Variants in EYS observed in about 807,000 individuals in gnomAD.
EYS encodes protein eyes shut homolog.
EYS carries 250 observed loss-of-function variants against 282.1 expected under a neutral mutation model. That is an observed-to-expected ratio of 0.89 (90% CI 0.80 to 0.98). EYS has a LOEUF of 0.98. Ranked by LOEUF, EYS falls within the 50% of genes least tolerant of loss-of-function variation. EYS has a pLI of 0.00. For missense variants in EYS, 4,016 were observed against 3,709.0 expected, an observed-to-expected ratio of 1.08 and a Z score of -2.15; for synonymous variants, 1,355 against 1,282.9, an observed-to-expected ratio of 1.06 and a Z score of -1.20.
intron 26 of EYS, among the ~76,000 whole-genome samples, chr6:64,544,615 G>C (rs865904500): frequency 1.3e-5 from 2 of 152,096 alleles, no homozygotes; most frequent in East Asian, 3.9e-4. Flanking sequence ...AAAATTGATA[G>C]ACCACTAGGA....
intron 29 of EYS, among the ~76,000 whole-genome samples, chr6:64,319,948 C>A (rs760708424): frequency 1.2e-4 from 18 of 152,076 alleles, no homozygotes; most frequent in Non-Finnish European, 2.4e-4. Flanking sequence ...TTCCTGACAC[C>A]TGAAGAGCTT....
rs148635035 is a variant in EYS, at chr6:64,821,871, T to C, written c.3165-148A>G. 18 of 480,608 alleles carry C rather than the reference T, an allele frequency of 3.7e-5. No homozygotes were observed. In the East Asian group the frequency reaches 6.1e-4, roughly 16 times the overall value. The allele number at this position is 480,608 out of a possible 1,614,324, so 29.8% of individuals were successfully genotyped here. ...TACAAAGCAGAGTTTATTCCTGGGT[T>C]TCTTATCCTTGAAGGTGACTGGACT... On this transcript the variant is annotated intron_variant, in intron 20 of 42. Transcript: ENST00000503581.
chr6:65,201,194 C>T (rs965692670), intron 12 of EYS, among the ~76,000 whole-genome samples: 5 of 152,004 alleles, frequency 3.3e-5, no homozygotes, highest in Admixed American at 6.6e-5. Context: ...AGATTAGAGG[C>T]TTTCTGTGGT....
At chr6:63,828,388 C>G (rs1243768108) in intron 36 of EYS, among the ~76,000 whole-genome samples, 1 of 126,944 alleles carries the variant, frequency 7.9e-6, no homozygotes, top group African/African-American at 3.4e-5. Flanking sequence ...ATGACTGACA[C>G]CACTGAAATA....
At chr6:65,091,499 AAAAAG>A in intron 12 of EYS, among the ~76,000 whole-genome samples, 1 of 140,052 alleles carries the variant, frequency 7.1e-6, no homozygotes. Context: ...GCTTAATAAT[AAAAAG>A]AAGTTAGATA....
chr6:64,796,099 C>T (rs928366435), intron 22 of EYS, among the ~76,000 whole-genome samples: 1 of 152,154 alleles, frequency 6.6e-6, no homozygotes, highest in African/African-American at 2.4e-5. Flanking sequence ...ACGCGTACAT[C>T]TGGATGTTAT....
At chr6:64,508,837 T>C (rs1777295020) in intron 26 of EYS, among the ~76,000 whole-genome samples, 2 of 151,972 alleles carry the variant, frequency 1.3e-5, no homozygotes, top group Non-Finnish European at 2.9e-5. Flanking sequence ...TGATTCAAAC[T>C]GATCTTCGAA....
chr6:64,063,728 G>A (rs1771262984), intron 33 of EYS, among the ~76,000 whole-genome samples: 1 of 151,782 alleles, frequency 6.6e-6, no homozygotes, highest in Non-Finnish European at 1.5e-5. Flanking sequence ...ATAGGGTTTT[G>A]TTTTATTGAT....
intron 13 of EYS, among the ~76,000 whole-genome samples, chr6:65,000,416 G>A (rs906788846): frequency 6.6e-6 from 1 of 152,182 alleles, no homozygotes; most frequent in Non-Finnish European, 1.5e-5. Context: ...TATACTGGTT[G>A]TACTGAATGA....
At chr6:64,392,904 G>A (rs1397575684) in intron 28 of EYS, among the ~76,000 whole-genome samples, 2 of 152,008 alleles carry the variant, frequency 1.3e-5, no homozygotes, top group African/African-American at 4.8e-5. Context: ...GAAAAAAAGA[G>A]AGAAGAATCA....
At chr6:63,727,677 C>T (rs1768661839) in intron 41 of EYS, among the ~76,000 whole-genome samples, 1 of 111,762 alleles carries the variant, frequency 8.9e-6, no homozygotes, top group Admixed American at 1.2e-4. Context: ...TTGAGACCAG[C>T]CTGAGCAACA....
At chr6:64,149,760 C>T (rs1193494571) in intron 31 of EYS, among the ~76,000 whole-genome samples, 1 of 152,152 alleles carries the variant, frequency 6.6e-6, no homozygotes. Flanking sequence ...GACTTTAAAG[C>T]CTGTTCTCTT....
intron 31 of EYS, among the ~76,000 whole-genome samples, chr6:64,161,957 T>G (rs1049395638): frequency 6.6e-6 from 1 of 152,208 alleles, no homozygotes; most frequent in Admixed American, 6.5e-5. Context: ...TCTTGTTTGT[T>G]AAACCCAATA....
chr6:64,430,990 T>C (rs1045464830), intron 28 of EYS, among the ~76,000 whole-genome samples: 2 of 152,152 alleles, frequency 1.3e-5, no homozygotes, highest in Non-Finnish European at 2.9e-5. Flanking sequence ...GACCACAACA[T>C]AGTTACTCTG....
chr6:65,105,654 T>C (rs2150185632), intron 12 of EYS, among the ~76,000 whole-genome samples: 1 of 152,018 alleles, frequency 6.6e-6, no homozygotes, highest in Admixed American at 6.6e-5. Context: ...ACCACTGCGG[T>C]GCACTATATA....
At chr6:65,443,541 A>G (rs779486955) in intron 5 of EYS, among the ~76,000 whole-genome samples, 1 of 151,580 alleles carries the variant, frequency 6.6e-6, no homozygotes, top group Non-Finnish European at 1.5e-5. Flanking sequence ...ATACTTATGG[A>G]CACATGATAC....
intron 35 of EYS, among the ~76,000 whole-genome samples, chr6:63,875,004 C>G (rs1195176478): frequency 1.3e-5 from 2 of 152,274 alleles, no homozygotes; most frequent in African/African-American, 2.4e-5. Context: ...ACTTCCAACA[C>G]TATGTTGAAT....
chr6:65,067,047 T>G (rs1561949209), intron 12 of EYS, among the ~76,000 whole-genome samples: 1 of 152,126 alleles, frequency 6.6e-6, no homozygotes, highest in Non-Finnish European at 1.5e-5. Flanking sequence ...GCAATATACT[T>G]TCAAGAATTA....
chr6:65,383,802 T>C (rs1444383260), intron 8 of EYS, among the ~76,000 whole-genome samples: 1 of 151,826 alleles, frequency 6.6e-6, no homozygotes, highest in Admixed American at 6.6e-5. Context: ...TATAATTCCA[T>C]TGTGAGACTA....
Sources: allele counts gnomAD v4.1 joint callset (sites outside exome capture counted in the v4.1 genomes callset), GRCh38; gene constraint gnomAD v4.1.1; transcripts MANE v1.5; gene names NCBI Gene and HGNC (gene_info 2026-07-23, HGNC 2026-07-21).